Variants in LTBP4 observed in about 807,000 individuals in gnomAD.
The protein encoded by LTBP4 is latent-transforming growth factor beta-binding protein 4.
Under a neutral mutation model 180.2 loss-of-function variants are expected in LTBP4, and 93 were observed. The observed-to-expected ratio is 0.52, with a 90% CI of 0.44 to 0.61. The LOEUF is 0.61. Ranked by LOEUF, LTBP4 falls within the 20% of genes least tolerant of loss-of-function variation. The pLI is 0.00. For missense variants in LTBP4, 2,116 were observed against 2,256.5 expected (o/e 0.94, Z 1.26); for synonymous variants, 947 against 934.5 (o/e 1.01, Z -0.24).
At chr19:40,607,593 C>T (rs2081473025) in intron 7 of LTBP4, 64 bp downstream of exon 7, 4 of 1,478,796 alleles carry the variant, frequency 2.7e-6, no homozygotes, top group Non-Finnish European at 3.6e-6. Flanking sequence ...CTACGCCCCA[C>T]CCTCCAACCC....
intron 18 of LTBP4, 105 bp downstream of exon 18, chr19:40,614,143 C>A: frequency 6.7e-7 from 1 of 1,501,118 alleles, no homozygotes. Flanking sequence ...CCTCCCCTTA[C>A]CTCTTTCCCC....
chr19:40,621,935 G>C (rs2081588841), intron 22 of LTBP4, among the ~76,000 whole-genome samples: 3 of 152,140 alleles, frequency 2.0e-5, no homozygotes, highest in Admixed American at 6.5e-5. Flanking sequence ...TTTTAGTAGA[G>C]ACCGGGTTTC....
Position 40,612,177 on chromosome 19 carries a change from C to T in LTBP4, c.2284C>T (p.Arg762Cys), listed in dbSNP as rs369850418. 13 of 1,606,294 alleles carry T rather than the reference C, an allele frequency of 8.1e-6. No homozygotes were observed. In the African/African-American group the frequency reaches 9.4e-5, roughly 12 times the overall value. Residue 762 changes from arginine (R) to cysteine (C), a missense_variant, in exon 15 of 30, where the codon CGT becomes TGT. Physicochemically the swap from Arg to Cys is radical, Grantham distance 180. This residue lies in a region of LTBP4 where 877 missense variants were observed against 873.6 expected (regional missense o/e 1.00). Coordinates refer to ENST00000396819, the MANE Select transcript of LTBP4 (RefSeq NM_001042545.2). ...RTCPSGHHLHRGRCTDVDECS... is the reference protein window; with the variant it reads ...RTCPSGHHLHCGRCTDVDECS... The stretch of plus-strand genomic sequence containing the variant: ...CTGTCCTTCTGGCCACCACCTGCAC[C>T]GTGGCAGATGCACTGGTGAGACCAG...
chr19:40,603,899 CT>C (rs2081440527), intron 1 of LTBP4, among the ~76,000 whole-genome samples: 1 of 152,258 alleles, frequency 6.6e-6, no homozygotes, highest in Non-Finnish European at 1.5e-5. Context: ...GCACCTCTCT[CT>C]TTGTTTACCC....
Position 40,622,355 on chromosome 19 carries a change from G to A in LTBP4, c.3218-46G>A, listed in dbSNP as rs1297384894. On this transcript the variant is annotated intron_variant, in intron 22 of 29. Coordinates refer to ENST00000396819, the MANE Select transcript of LTBP4 (RefSeq NM_001042545.2). The surrounding 1 kb of genome is among the most constrained non-coding windows in gnomAD (Gnocchi z 5.1). ...TTTCCCCATCTATGATAGTGGCGGG[G>A]CTGGGGATTCAGCCCACACTGGGCT... The A allele has an allele frequency of 3.4e-6, 5 of 1,460,080 alleles. No homozygotes were observed. Among genetic ancestry groups the A allele is most frequent in the Non-Finnish European group, 4.6e-6 (5 of 1,097,472 alleles). 90.4% of individuals were successfully genotyped at this position (1,460,080 alleles called of 1,614,324 possible).
At chr19:40,593,418 T>G (rs1241008646) in intron 1 of LTBP4, among the ~76,000 whole-genome samples, 1 of 151,948 alleles carries the variant, frequency 6.6e-6, no homozygotes, top group African/African-American at 2.4e-5. Flanking sequence ...ACTTTTTAAG[T>G]TTTTTTGTAG....
At position 40,607,489 on chromosome 19, in the gene LTBP4, C is replaced by T. The variant is rs1296355676; in HGVS notation, c.1116C>T (p.Ala372=). The T allele has an allele frequency of 2.5e-6, 4 of 1,612,870 alleles. No individual in the cohort carries two copies. Among genetic ancestry groups the T allele is most frequent in the Non-Finnish European group, 3.4e-6 (4 of 1,179,632 alleles). The stretch of plus-strand genomic sequence containing the variant: ...GCTGCTGCAGCCGCGTAGGCAAGGC[C>T]TGGGGCCGGGGCTGCCAGCTCTGCC... ...QICCCSRVGK[A]WGRGCQLCPP... is the part of the protein sequence containing the mutation. The change falls in exon 7 of 30, where the codon GCC becomes GCT. Residue 372 remains alanine, a synonymous_variant. Coordinates refer to ENST00000396819, the MANE Select transcript of LTBP4 (RefSeq NM_001042545.2).
In LTBP4 at chr19:40,627,600, G is replaced by C. The variant is rs2146053416; in HGVS notation, c.4367-105G>C. 4 of 1,450,000 alleles carry C rather than the reference G, an allele frequency of 2.8e-6. No individual in the cohort carries two copies. In the Admixed American group the frequency reaches 8.2e-5, roughly 30 times the overall value. The allele number at this position is 1,450,000 out of a possible 1,614,324, so 89.8% of individuals were successfully genotyped here. On this transcript the variant is annotated intron_variant, in intron 28 of 29. Coordinates refer to ENST00000396819, the MANE Select transcript of LTBP4 (RefSeq NM_001042545.2). ...CCCGCCACAGCCCTGGAGCGGGATGGACAGTTTACAGCGAGAAAGATGGAG... is the reference window on the plus strand; with the variant it reads ...CCCGCCACAGCCCTGGAGCGGGATGCACAGTTTACAGCGAGAAAGATGGAG...
chr19:40,625,276 A>G (rs187396800), intron 26 of LTBP4, among the ~76,000 whole-genome samples: 1 of 4,494 alleles, frequency 2.2e-4, no homozygotes, highest in African/African-American at 2.5e-3. Context: ...ATATATATAT[A>G]TATATATATA....
At chr19:40,612,283 T>G in intron 15 of LTBP4, 91 bp downstream of exon 15, 4 of 1,463,978 alleles carry the variant, frequency 2.7e-6, no homozygotes, top group Non-Finnish European at 2.7e-6. Context: ...CGTAACCTCC[T>G]GACCTGGACC....
rs2146020312 is a variant in LTBP4 at position 40,605,079 on chromosome 19, C to T, written c.295C>T (p.Pro99Ser). The T allele has an allele frequency of 6.2e-7, 1 of 1,613,882 alleles. No homozygotes were observed. The highest frequency in any genetic ancestry group is 8.5e-7 in the Non-Finnish European group (1 of 1,179,848). The change falls in exon 2 of 30, where the codon CCT becomes TCT. Residue 99 changes from proline to serine, a missense_variant. Pro to Ser is a moderately conservative substitution (Grantham distance 74). Around this residue, in one of 5 missense-constraint regions of LTBP4, gnomAD observed 469 missense variants for 532.5 expected, o/e 0.88. Coordinates refer to ENST00000396819, the MANE Select transcript of LTBP4 (RefSeq NM_001042545.2). This position sits in a 1 kb window ranked among gnomAD's most constrained non-coding sequence, Gnocchi z 5.5. ...ICHNGGVCVK[P>S]DRCLCPPDFA... The stretch of plus-strand genomic sequence containing the variant: ...TCACAATGGCGGTGTGTGCGTGAAG[C>T]CTGACCGCTGCCTCTGTCCCCCGGA...
intron 1 of LTBP4, among the ~76,000 whole-genome samples, chr19:40,603,201 C>G (rs2081436250): frequency 6.6e-6 from 1 of 152,226 alleles, no homozygotes; most frequent in African/African-American, 2.4e-5. Context: ...TCTAGCTCAC[C>G]CCCTTCCCCA....
chr19:40,599,141 T>A (rs2081406618), upstream of LTBP4: 4 of 1,529,060 alleles, frequency 2.6e-6, no homozygotes, highest in Non-Finnish European at 3.6e-6. Flanking sequence ...ATTGCCCTCC[T>A]TTGCAGAGTT....
At chr19:40,599,953 G>A, upstream of LTBP4, 1 of 490,138 alleles carries the variant, frequency 2.0e-6, no homozygotes, top group Middle Eastern at 3.1e-4. Context: ...TAGGTGTTGT[G>A]GGGGGAGGGT....
chr19:40,604,666 A>G (rs2146019870), intron 1 of LTBP4, among the ~76,000 whole-genome samples: 1 of 152,318 alleles, frequency 6.6e-6, no homozygotes, highest in Non-Finnish European at 1.5e-5. Flanking sequence ...CAACATAGTG[A>G]GACCCCGCCT....
chr19:40,616,899 G>T lies in LTBP4; in HGVS notation c.2823G>T (p.Glu941Asp). The change falls in exon 20 of 30, where the codon GAG becomes GAT. Residue 941 changes from glutamate to aspartate, a missense_variant. Physicochemically the swap from Glu to Asp is conservative, Grantham distance 45. This residue lies in a region of LTBP4 where 877 missense variants were observed against 873.6 expected (regional missense o/e 1.00). Transcript: ENST00000396819. ...CTCCACACTCTGCAGATGTGGATGA[G>T]TGCCAAGAATATGGTCCCGAGATTT... ...GPEGTCDDVD[E>D]CQEYGPEICG... is the part of the protein sequence containing the mutation. The T allele has an allele frequency of 5.6e-6, 9 of 1,613,972 alleles. No individual in the cohort carries two copies. Among genetic ancestry groups the T allele is most frequent in the Non-Finnish European group, 7.6e-6 (9 of 1,179,898 alleles).
chr19:40,617,747 A>G (rs1054027052), intron 21 of LTBP4, among the ~76,000 whole-genome samples: 4 of 152,080 alleles, frequency 2.6e-5, no homozygotes, highest in Admixed American at 6.6e-5. Context: ...TTAAAAATGT[A>G]TAAAGTATAA....
chr19:40,624,066 C>T lies in LTBP4; in HGVS notation c.3816C>T (p.Asn1272=), dbSNP rs1400755240. The change falls in exon 26 of 30, where the codon AAC becomes AAT. Residue 1272 remains asparagine, a synonymous_variant. Coordinates refer to ENST00000396819, the MANE Select transcript of LTBP4 (RefSeq NM_001042545.2). ...LDGSQRRCVS[N]ESQSLDDNLG... The stretch of plus-strand genomic sequence containing the variant: ...GCTCGCAGCGCCGCTGCGTCTCCAA[C>T]GAGAGCCAGAGCCTCGGTAACCCCG... The T allele has an allele frequency of 6.4e-7, 1 of 1,573,198 alleles. No individual in the cohort carries two copies. The highest frequency in any genetic ancestry group is 1.3e-5 in the African/African-American group (1 of 74,180).
At chr19:40,615,630 C>T (rs560716658) in intron 19 of LTBP4, among the ~76,000 whole-genome samples, 8 of 152,104 alleles carry the variant, frequency 5.3e-5, no homozygotes, top group Non-Finnish European at 1.2e-4. Context: ...TGGTGGCATG[C>T]GCCTGTAGTC....
Sources: gnomAD v4.1 joint callset for allele counts (sites outside exome capture counted in the v4.1 genomes callset) on GRCh38, gnomAD v4.1.1 for gene constraint, gnomAD v4.1.1 regional missense constraint, Gnocchi (gnomAD v3.1) non-coding constraint, MANE v1.5 for transcripts, NCBI Gene and HGNC (gene_info 2026-07-23, HGNC 2026-07-21) for gene names.